Variants in SEMA3E observed in about 807,000 individuals in gnomAD.
The protein encoded by SEMA3E is semaphorin 3E, also known as semaphorin-3E.
SEMA3E carries 49 observed loss-of-function variants against 93.6 expected under a neutral mutation model. The ratio of observed to expected loss-of-function variants is 0.52; its 90% CI spans 0.42 to 0.66. SEMA3E has a LOEUF of 0.66. Ranked by LOEUF, SEMA3E falls within the 30% of genes least tolerant of loss-of-function variation. The pLI is 0.00. For missense variants in SEMA3E, 906 were observed against 964.8 expected (o/e 0.94, Z 0.81); for synonymous variants, 363 against 330.7 (o/e 1.10, Z -1.06).
chr7:83,486,002 G>T (rs1466848374), intron 2 of SEMA3E, among the ~76,000 whole-genome samples: 1 of 152,088 alleles, frequency 6.6e-6, no homozygotes, highest in African/African-American at 2.4e-5. Flanking sequence ...TGATCTGAAG[G>T]AAAGATGTAT....
chr7:83,454,329 T>C (rs1789438995), intron 4 of SEMA3E, among the ~76,000 whole-genome samples: 1 of 86,978 alleles, frequency 1.1e-5, no homozygotes, highest in Non-Finnish European at 2.6e-5. Flanking sequence ...AAACAAGCAA[T>C]AATAAATAAC....
At chr7:83,531,177 C>G (rs1791286795) in intron 1 of SEMA3E, among the ~76,000 whole-genome samples, 1 of 151,652 alleles carries the variant, frequency 6.6e-6, no homozygotes, top group African/African-American at 2.4e-5. Flanking sequence ...TAAAATGACT[C>G]TATAATTAAG....
chr7:83,400,657 A>C (rs1206889975), intron 10 of SEMA3E, among the ~76,000 whole-genome samples: 1 of 152,130 alleles, frequency 6.6e-6, no homozygotes, highest in Non-Finnish European at 1.5e-5. Flanking sequence ...TGGAAAGGCT[A>C]AATTATTTCA....
chr7:83,568,321 C>T (rs1792206287), intron 1 of SEMA3E, among the ~76,000 whole-genome samples: 1 of 152,032 alleles, frequency 6.6e-6, no homozygotes. Flanking sequence ...ACCCATATTT[C>T]CCTAAACTAT....
chr7:83,587,512 T>A (rs527264751), intron 1 of SEMA3E, among the ~76,000 whole-genome samples: 2 of 152,254 alleles, frequency 1.3e-5, no homozygotes, highest in African/African-American at 4.8e-5. Context: ...AAAGAGAGAT[T>A]GCTTTCCTCT....
At chr7:83,406,956 G>A in intron 7 of SEMA3E, 141 bp downstream of exon 7, 2 of 936,326 alleles carry the variant, frequency 2.1e-6, no homozygotes, top group Middle Eastern at 2.3e-4. Flanking sequence ...ATGAAATGTA[G>A]AGGTTGGTAT....
intron 2 of SEMA3E, among the ~76,000 whole-genome samples, chr7:83,482,701 A>G (rs559047297): frequency 6.6e-5 from 10 of 152,180 alleles, no homozygotes; most frequent in Admixed American, 2.0e-4. Flanking sequence ...ACATAACACA[A>G]TGCCTACTCT....
At chr7:83,517,677 A>G (rs1790959294) in intron 1 of SEMA3E, among the ~76,000 whole-genome samples, 1 of 152,162 alleles carries the variant, frequency 6.6e-6, no homozygotes, top group Non-Finnish European at 1.5e-5. Context: ...ACTGCTGTAA[A>G]TAGAAGAAAG....
chr7:83,541,603 C>T (rs911216633), intron 1 of SEMA3E, among the ~76,000 whole-genome samples: 22 of 152,006 alleles, frequency 1.4e-4, no homozygotes, highest in Admixed American at 7.2e-4. Context: ...AAGATAATAA[C>T]GGGAGATTAT....
At chr7:83,462,153 C>T (rs1789637120) in intron 4 of SEMA3E, 1 of 152,240 alleles carries the variant, frequency 6.6e-6, no homozygotes, top group East Asian at 1.9e-4. Context: ...CCGATCACCT[C>T]GGAAGCCCCC....
chr7:83,617,091 C>T lies in SEMA3E; in HGVS notation c.115+31337G>A, dbSNP rs144791865. On this transcript the variant is annotated intron_variant, in intron 1 of 16. Transcript: ENST00000643230. ...AATTTGGTTACAATACCAAACTATACATTAAGAATTATTGTTTTAAATAGA... is the reference window on the plus strand; with the variant it reads ...AATTTGGTTACAATACCAAACTATATATTAAGAATTATTGTTTTAAATAGA... Among the ~76,000 whole-genome samples, 290 of 152,150 alleles carry T rather than the reference C, an allele frequency of 1.9e-3. 4 individuals carry two copies. The highest frequency in any genetic ancestry group is 0.015 in the Admixed American group (236 of 15,240).
Position 83,393,039 on chromosome 7 carries a change from C to CAAAAAA in SEMA3E, c.1501-324_1501-319dup, listed in dbSNP as rs59283673. Among the ~76,000 whole-genome samples, 256 of 128,828 alleles carry CAAAAAA rather than the reference C, an allele frequency of 2.0e-3. 1 individual carries two copies. Among genetic ancestry groups the CAAAAAA allele is most frequent in the African/African-American group, 6.3e-3 (207 of 32,926 alleles). 84.5% of individuals were successfully genotyped at this position (128,828 alleles called of 152,430 possible). On this transcript the variant is annotated intron_variant, in intron 13 of 16. Coordinates refer to ENST00000643230, the MANE Select transcript of SEMA3E (RefSeq NM_012431.3). The stretch of plus-strand genomic sequence containing the variant: ...GGGCGACAAGAGAGAAACTCCATCT[C>CAAAAAA]AAAAAAAAAAAAAAAAAATTATAGC...
intron 1 of SEMA3E, among the ~76,000 whole-genome samples, chr7:83,497,265 C>G (rs1046713426): frequency 6.6e-6 from 1 of 152,004 alleles, no homozygotes; most frequent in African/African-American, 2.4e-5. Context: ...TCCTTGTGTA[C>G]GATGAAGGAG....
chr7:83,495,590 G>A (rs1472980298), intron 1 of SEMA3E, among the ~76,000 whole-genome samples: 2 of 151,662 alleles, frequency 1.3e-5, no homozygotes, highest in East Asian at 1.9e-4. Context: ...CATATAGCAC[G>A]TATGGAAACA....
At chr7:83,487,168 T>G (rs548804953) in intron 2 of SEMA3E, among the ~76,000 whole-genome samples, 4 of 152,090 alleles carry the variant, frequency 2.6e-5, no homozygotes, top group African/African-American at 9.7e-5. Context: ...GAGTAGGTGA[T>G]TCAATTTCCC....
intron 1 of SEMA3E, among the ~76,000 whole-genome samples, chr7:83,639,431 T>C (rs1562866196): frequency 6.6e-6 from 1 of 151,934 alleles, no homozygotes; most frequent in Non-Finnish European, 1.5e-5. Flanking sequence ...TTGACCATAA[T>C]ATGGAAGCCA....
intron 10 of SEMA3E, among the ~76,000 whole-genome samples, chr7:83,401,111 A>G (rs1334312636): frequency 6.6e-6 from 1 of 152,292 alleles, no homozygotes; most frequent in African/African-American, 2.4e-5. Context: ...GACAAAATAA[A>G]CTGGGAAAAC....
intron 2 of SEMA3E, among the ~76,000 whole-genome samples, chr7:83,470,294 C>T (rs1304241590): frequency 6.6e-6 from 1 of 152,140 alleles, no homozygotes; most frequent in African/African-American, 2.4e-5. Flanking sequence ...ACTGGTTCCA[C>T]AAATTTCTAA....
chr7:83,391,600 A>T (rs940055345), intron 14 of SEMA3E, among the ~76,000 whole-genome samples: 5 of 151,784 alleles, frequency 3.3e-5, no homozygotes, highest in Admixed American at 1.3e-4. Flanking sequence ...TTATTATATC[A>T]TTTTTTTAAA....
Sources: gnomAD v4.1 joint callset for allele counts (sites outside exome capture counted in the v4.1 genomes callset) on GRCh38, gnomAD v4.1.1 for gene constraint, MANE v1.5 for transcripts, NCBI Gene and HGNC (gene_info 2026-07-23, HGNC 2026-07-21) for gene names.